Variants in PEX7 observed in about 807,000 individuals in gnomAD.
The protein encoded by PEX7 is PTS2 receptor.
A neutral mutation model predicts 47.5 loss-of-function variants in PEX7; 34 were observed. The ratio of observed to expected loss-of-function variants is 0.72; its 90% CI spans 0.54 to 0.95. The LOEUF is 0.95. Ranked by LOEUF, PEX7 falls within the 40% of genes least tolerant of loss-of-function variation. The pLI is 0.00. For missense variants in PEX7, 394 were observed against 400.3 expected (o/e 0.98, Z 0.13); for synonymous variants, 141 against 148.8 (o/e 0.95, Z 0.38).
chr6:136,896,031 C>T lies in PEX7; in HGVS notation c.804-2111C>T, dbSNP rs549257710. Among the ~76,000 whole-genome samples the T allele has an allele frequency of 4.8e-4, 73 of 152,298 alleles. 2 individuals carry two copies. Among genetic ancestry groups the T allele is most frequent in the African/African-American group, 1.8e-3 (73 of 41,562 alleles). On this transcript the variant is annotated intron_variant, in intron 8 of 9. Coordinates refer to ENST00000318471, the MANE Select transcript of PEX7 (RefSeq NM_000288.4). Reference sequence around the variant, plus strand: ...CCTGAATGTGTGACTTCCCTCATCACACTTTCAGGCTGAAGTTGGATAGCT... The same window carrying T: ...CCTGAATGTGTGACTTCCCTCATCATACTTTCAGGCTGAAGTTGGATAGCT...
At chr6:136,834,906 T>C (rs1352014196) in intron 3 of PEX7, among the ~76,000 whole-genome samples, 1 of 152,154 alleles carries the variant, frequency 6.6e-6, no homozygotes, top group Admixed American at 6.6e-5. Flanking sequence ...ATAAAAAAGG[T>C]GTGCAAAGGC....
intron 8 of PEX7, among the ~76,000 whole-genome samples, chr6:136,891,966 T>TA (rs552822401): frequency 1.2e-3 from 184 of 152,194 alleles, no homozygotes; most frequent in African/African-American, 4.4e-3. Context: ...TTACAGATCG[T>TA]AAAGTAATAG....
intron 8 of PEX7, among the ~76,000 whole-genome samples, chr6:136,876,038 T>C (rs1775266006): frequency 8.6e-6 from 1 of 116,766 alleles, no homozygotes; most frequent in Admixed American, 9.3e-5. Context: ...AATTCTTTCA[T>C]TAAATTTTTT....
intron 5 of PEX7, among the ~76,000 whole-genome samples, chr6:136,863,762 G>A (rs1204398352): frequency 1.3e-5 from 2 of 152,080 alleles, no homozygotes; most frequent in Non-Finnish European, 2.9e-5. Flanking sequence ...AGAAAAATTA[G>A]CAGGGGCATG....
At chr6:136,854,024 C>T (rs1460146238) in intron 5 of PEX7, among the ~76,000 whole-genome samples, 4 of 151,814 alleles carry the variant, frequency 2.6e-5, no homozygotes, top group Non-Finnish European at 4.4e-5. Flanking sequence ...TCTTATGTTG[C>T]CTTTCCCAAG....
At chr6:136,884,030 A>G (rs754955806) in intron 8 of PEX7, among the ~76,000 whole-genome samples, 17 of 152,208 alleles carry the variant, frequency 1.1e-4, no homozygotes, top group Non-Finnish European at 1.9e-4. Flanking sequence ...GCATATTCCA[A>G]TATAGGATTA....
At chr6:136,832,063 C>T (rs1197854698) in intron 3 of PEX7, among the ~76,000 whole-genome samples, 1 of 152,264 alleles carries the variant, frequency 6.6e-6, no homozygotes, top group South Asian at 2.1e-4. Context: ...ACTGCCCTAG[C>T]AAAGGTTCTC....
intron 8 of PEX7, among the ~76,000 whole-genome samples, chr6:136,877,912 G>A (rs9483962): frequency 0.41 from 62,001 of 151,896 alleles, 13,376 homozygotes; most frequent in South Asian, 0.52. Context: ...TCATTTTCAC[G>A]ATATTGATTC....
chr6:136,866,532 A>G (rs1447218882), intron 5 of PEX7, 95 bp from the exon 6 acceptor site: 5 of 969,192 alleles, frequency 5.2e-6, no homozygotes, highest in African/African-American at 3.2e-5. Context: ...CACTGAAAGC[A>G]GTGTATTTTT....
In PEX7 at chr6:136,898,157, A is replaced by G. The variant is rs1233609627; in HGVS notation, c.819A>G (p.Ser273=). The change falls in exon 9 of 10, where the codon TCA becomes TCG. Residue 273 remains serine, a synonymous_variant. Transcript: ENST00000318471. Reference sequence around the variant, plus strand: ...ATCTTCACAGATTCTGGAACTTTTCAAAGCCTGACTCTCTTCTTGAAACAG... The same window carrying G: ...ATCTTCACAGATTCTGGAACTTTTCGAAGCCTGACTCTCTTCTTGAAACAG... ...YDFTVRFWNF[S]KPDSLLETVE... The G allele has an allele frequency of 6.2e-7, 1 of 1,609,660 alleles. No homozygotes were observed. The highest frequency in any genetic ancestry group is 1.7e-5 in the Admixed American group (1 of 60,006).
At chr6:136,840,143 C>G (rs1343834352) in intron 3 of PEX7, among the ~76,000 whole-genome samples, 2 of 152,096 alleles carry the variant, frequency 1.3e-5, no homozygotes, top group Non-Finnish European at 2.9e-5. Context: ...AAAGACATTG[C>G]AGATTTTAAA....
At chr6:136,841,868 G>A (rs1291952809) in intron 3 of PEX7, among the ~76,000 whole-genome samples, 1 of 151,034 alleles carries the variant, frequency 6.6e-6, no homozygotes, top group Admixed American at 6.6e-5. Context: ...TTACAGGCAT[G>A]AGCCACCGTG....
chr6:136,895,196 C>T (rs1452219814), intron 8 of PEX7, among the ~76,000 whole-genome samples: 1 of 152,136 alleles, frequency 6.6e-6, no homozygotes, highest in Non-Finnish European at 1.5e-5. Flanking sequence ...ACTCATTAAA[C>T]TGTTAACAAT....
At chr6:136,861,871 T>G (rs1209530789) in intron 5 of PEX7, among the ~76,000 whole-genome samples, 4 of 146,788 alleles carry the variant, frequency 2.7e-5, no homozygotes, top group African/African-American at 9.9e-5. Context: ...TATATATATA[T>G]AAATATATAT....
At chr6:136,864,264 G>A (rs1775018104) in intron 5 of PEX7, among the ~76,000 whole-genome samples, 1 of 151,786 alleles carries the variant, frequency 6.6e-6, no homozygotes, top group African/African-American at 2.4e-5. Context: ...TATTCATGTT[G>A]TTATTATTGG....
intron 8 of PEX7, among the ~76,000 whole-genome samples, chr6:136,888,974 C>T (rs779481217): frequency 2.0e-5 from 3 of 152,038 alleles, no homozygotes; most frequent in Non-Finnish European, 4.4e-5. Flanking sequence ...GGGACCATCG[C>T]GTTTGTTAAC....
intron 3 of PEX7, among the ~76,000 whole-genome samples, chr6:136,844,235 G>A (rs1220224319): frequency 6.6e-6 from 1 of 152,090 alleles, no homozygotes; most frequent in Non-Finnish European, 1.5e-5. Flanking sequence ...GGGTGTGGTG[G>A]CACGCAAGCG....
chr6:136,829,767 G>T (rs988585398), intron 3 of PEX7, among the ~76,000 whole-genome samples: 13 of 152,110 alleles, frequency 8.5e-5, no homozygotes, highest in African/African-American at 2.9e-4. Flanking sequence ...CGAAAACCCC[G>T]CCTCTACTAA....
intron 5 of PEX7, among the ~76,000 whole-genome samples, chr6:136,863,210 G>A (rs1774997292): frequency 6.6e-6 from 1 of 152,000 alleles, no homozygotes; most frequent in Admixed American, 6.6e-5. Context: ...TGTCAGTTCT[G>A]CCATAGAAGA....
Sources: allele counts gnomAD v4.1 joint callset (sites outside exome capture counted in the v4.1 genomes callset), GRCh38; gene constraint gnomAD v4.1.1; transcripts MANE v1.5; gene names NCBI Gene and HGNC (gene_info 2026-07-23, HGNC 2026-07-21).